CFAP46: variants seen among roughly 807,000 people sequenced by gnomAD.
The protein encoded by CFAP46 is cilia- and flagella-associated protein 46.
In CFAP46, 245 loss-of-function variants were observed where a neutral mutation model predicts 325.7. The ratio of observed to expected loss-of-function variants is 0.75; its 90% confidence interval spans 0.68 to 0.84. The LOEUF is 0.84. Among genes scored for constraint, CFAP46 ranks in the 40% least tolerant of loss-of-function variants. The pLI is 0.00. For missense variants in CFAP46, 3,346 were observed against 3,543.0 expected (o/e 0.94, Z 1.41); for synonymous variants, 1,523 against 1,495.9 (o/e 1.02, Z -0.42).
Position 132,850,419 on chromosome 10 carries a change from A to C in CFAP46, c.5777T>G (p.Leu1926Arg). 6.4e-7 allele frequency: 1 copy of C among 1,567,790 alleles called. No homozygotes were observed. The highest frequency in any genetic ancestry group is 2.3e-5 in the East Asian group (1 of 42,882). The change falls in exon 41 of 58, where the codon CTG becomes CGG. Residue 1926 changes from leucine to arginine, a missense_variant. Transcript: ENST00000368586. The part of the protein sequence containing the change: ...YTSVGLQWFT[L>R]KRTLAHGALA... The stretch of plus-strand genomic sequence containing the variant: ...TGCCCCGTGTGCTAGAGTCCGCTTC[A>C]GCGTGAACCATTGCTTCGAAAAGAC...
rs1189734428 is a variant in CFAP46, at chr10:132,912,523, CTT to C, written c.2499+130_2499+131del. 7.5e-6 allele frequency: 6 copies of C among 803,874 alleles called. 1 individual carries two copies. Among genetic ancestry groups the C allele is most frequent in the African/African-American group, 2.4e-5 (1 of 41,696 alleles). The allele number at this position is 803,874 out of a possible 1,614,324, so 49.8% of individuals were successfully genotyped here. The stretch of plus-strand genomic sequence containing the variant: ...CCTCTCTCTCCTCTCCTCTCTCTCT[CTT>C]CACCTCTCTCCTCTCCTCTCTCTCT... On this transcript the variant is annotated intron_variant, in intron 19 of 57. Transcript: ENST00000368586.
rs1458814179 is a variant in CFAP46, at chr10:132,817,459, AACTTCTACC to A, written c.7118-2554_7118-2546del. On this transcript the variant is annotated intron_variant, in intron 50 of 57. Coordinates refer to ENST00000368586, the MANE Select transcript of CFAP46 (RefSeq NM_001200049.3). This position sits in a 1 kb window ranked among gnomAD's most constrained non-coding sequence, Gnocchi z 4.4. ...TTTTGATATATGACATAAATGGGCC[AACTTCTACC>A]ATCTTACTACTTTATTTTTATTTGT... 6.6e-6 allele frequency among the ~76,000 whole-genome samples: 1 copy of A among 152,176 alleles called. No individual in the cohort carries two copies. The highest frequency in any genetic ancestry group is 1.5e-5 in the Non-Finnish European group (1 of 68,042).
chr10:132,884,814 C>T lies in CFAP46; in HGVS notation c.3627+289G>A, dbSNP rs571695345. 6.6e-6 allele frequency among the ~76,000 whole-genome samples: 1 copy of T among 152,258 alleles called. No individual in the cohort carries two copies. Among genetic ancestry groups the T allele is most frequent in the Non-Finnish European group, 1.5e-5 (1 of 67,996 alleles). ...TGCCACCAGGGGAGCCTGGGCGCTT[C>T]CACTTGGGGCATCACCCTCTGGGCC... On this transcript the variant is annotated intron_variant, in intron 27 of 57. Coordinates refer to ENST00000368586, the MANE Select transcript of CFAP46 (RefSeq NM_001200049.3). The surrounding 1 kb of genome is among the most constrained non-coding windows in gnomAD (Gnocchi z 5.4).
At chr10:132,854,828 G>A (rs1198082677) in intron 39 of CFAP46, among the ~76,000 whole-genome samples, 1 of 151,990 alleles carries the variant, frequency 6.6e-6, no homozygotes, top group Non-Finnish European at 1.5e-5. Flanking sequence ...TCCTTGCCCT[G>A]TTTCTATGGA....
chr10:132,821,280 G>A (rs1171158489), intron 50 of CFAP46, among the ~76,000 whole-genome samples: 2 of 137,548 alleles, frequency 1.5e-5, no homozygotes, highest in African/African-American at 2.9e-5. Flanking sequence ...TGCTGTGTGA[G>A]TGCTGATGTG....
At chr10:132,810,290 G>T in intron 57 of CFAP46, 119 bp downstream of exon 57, 2 of 849,904 alleles carry the variant, frequency 2.4e-6, no homozygotes, top group Non-Finnish European at 2.0e-6. Context: ...TGGAGTCCCA[G>T]GTCCCCCACG....
Position 132,847,371 on chromosome 10 carries a change from C to G in CFAP46, c.5953-50G>C. 6.2e-7 allele frequency: 1 copy of G among 1,603,272 alleles called. No individual in the cohort carries two copies. Among genetic ancestry groups the G allele is most frequent in the Middle Eastern group, 1.7e-4 (1 of 6,014 alleles). On this transcript the variant is annotated intron_variant, in intron 41 of 57. Transcript: ENST00000368586. This position sits in a 1 kb window ranked among gnomAD's most constrained non-coding sequence, Gnocchi z 5.2. The stretch of plus-strand genomic sequence containing the variant: ...AGACACTTCTGGGTTCCTGCTTGGT[C>G]GGCGTGGGGAGGGCCCACCCAGGGA...
Position 132,808,542 on chromosome 10 carries a change from C to G in CFAP46, c.8027G>C (p.Arg2676Pro). 2 of 1,612,984 alleles carry G rather than the reference C, an allele frequency of 1.2e-6. No individual in the cohort carries two copies. Among genetic ancestry groups the G allele is most frequent in the Non-Finnish European group, 1.7e-6 (2 of 1,179,974 alleles). Residue 2676 changes from arginine (R) to proline (P), a missense_variant, in exon 58 of 58, where the codon CGT becomes CCT. Physicochemically the swap from Arg to Pro is moderately radical, Grantham distance 103 (BLOSUM62 -2). Coordinates refer to ENST00000368586, the MANE Select transcript of CFAP46 (RefSeq NM_001200049.3). This position sits in a 1 kb window ranked among gnomAD's most constrained non-coding sequence, Gnocchi z 6.8. ...GGAAGAGACGCAGCTCCAGCCCCGA[C>G]GCAGACCCCATGGCGCACACAGGCA... Reference protein sequence around the residue: ...SACLCAPWGLRRGWSCVSSRG... With the variant: ...SACLCAPWGLPRGWSCVSSRG...
chr10:132,887,228 CTCCTCTCCCCTCTTCTCTCTCCT>C (rs1849152669), intron 25 of CFAP46, among the ~76,000 whole-genome samples: 1 of 99,630 alleles, frequency 1.0e-5, no homozygotes, highest in African/African-American at 6.2e-5. Flanking sequence ...TCTTCTCTCT[CTCCTCTCCCCTCTTCTCTCTCCT>C]CTCTCGCTTC....
rs1259177876 is a variant in CFAP46 at position 132,912,135 on chromosome 10, C to CT, written c.2499+519_2499+520insA. Among the ~76,000 whole-genome samples, 34 of 114,818 alleles carry CT rather than the reference C, an allele frequency of 3.0e-4. 1 individual carries two copies. The highest frequency in any genetic ancestry group is 3.7e-4 in the Non-Finnish European group (20 of 54,650). 75.3% of individuals were successfully genotyped at this position (114,818 alleles called of 152,430 possible). A position where few individuals can be genotyped will look rare whatever the true frequency, so the allele number is the denominator to read the frequency against. ...CTCCCTCCACCCCCACCCCCCCACC[C>CT]CCACATCTCTCTCTCTCTCCTCTCT... is the stretch of plus-strand genomic sequence containing the variant. On this transcript the variant is annotated intron_variant, in intron 19 of 57. Coordinates refer to ENST00000368586, the MANE Select transcript of CFAP46 (RefSeq NM_001200049.3).
At chr10:132,913,586 C>T (rs116478963) in intron 17 of CFAP46, among the ~76,000 whole-genome samples, 743 of 152,324 alleles carry the variant, frequency 4.9e-3, no homozygotes, top group Non-Finnish European at 7.2e-3. Flanking sequence ...TTTCATCCCG[C>T]GACCAGCCTC....
intron 46 of CFAP46, among the ~76,000 whole-genome samples, chr10:132,835,651 G>T (rs879488312): frequency 6.6e-6 from 1 of 152,066 alleles, no homozygotes; most frequent in Non-Finnish European, 1.5e-5. Context: ...CCCCAGGGAA[G>T]CACACGCCCC....
intron 27 of CFAP46, among the ~76,000 whole-genome samples, chr10:132,883,348 C>T (rs1849074896): frequency 6.6e-6 from 1 of 152,242 alleles, no homozygotes; most frequent in East Asian, 1.9e-4. Flanking sequence ...CAACAACCTA[C>T]AAATGGCCCA....
chr10:132,808,875 GC>G lies in CFAP46; in HGVS notation c.7693del (p.Ala2565LeufsTer28). 6.3e-7 allele frequency: 1 copy of G among 1,597,938 alleles called. No individual in the cohort carries two copies. Among genetic ancestry groups the G allele is most frequent in the African/African-American group, 1.3e-5 (1 of 74,778 alleles). ...AGCTCGGAGCTTTGGAGCAGCAGCAGCTTGTCCTTCAAGGTCTGAGAAGCCT... is the reference window on the plus strand; with the variant it reads ...AGCTCGGAGCTTTGGAGCAGCAGCAGTTGTCCTTCAAGGTCTGAGAAGCCT... ...RRGFSDLEGQ[A>X]AAAPKLRAPS... On this transcript the variant is annotated frameshift_variant, in exon 58 of 58. Coordinates refer to ENST00000368586, the MANE Select transcript of CFAP46 (RefSeq NM_001200049.3). LOFTEE classifies it low-confidence loss of function (END_TRUNC). The surrounding 1 kb of genome is among the most constrained non-coding windows in gnomAD (Gnocchi z 6.8).
intron 22 of CFAP46, among the ~76,000 whole-genome samples, chr10:132,901,198 G>A (rs531281300): frequency 1.3e-5 from 2 of 152,244 alleles, no homozygotes; most frequent in East Asian, 3.9e-4. Context: ...TCTCCTGTAC[G>A]TACTTTATCA....
At chr10:132,913,324 G>T (rs1591087576) in intron 17 of CFAP46, 66 bp from the exon 18 acceptor site, 1 of 1,331,270 alleles carries the variant, frequency 7.5e-7, no homozygotes, top group East Asian at 2.5e-5. Context: ...GCACCAGGAA[G>T]GCTGCGGGGC....
chr10:132,913,011 C>T (rs1206126767), intron 18 of CFAP46, 35 bp downstream of exon 18: 1 of 1,542,892 alleles, frequency 6.5e-7, no homozygotes, highest in African/African-American at 1.4e-5. Flanking sequence ...GGAAGAAGCC[C>T]CTCCCTGCGT....
chr10:132,914,871 G>A lies in CFAP46; in HGVS notation c.2121-1613C>T, dbSNP rs537522105. Among the ~76,000 whole-genome samples the A allele has an allele frequency of 5.9e-5, 9 of 152,174 alleles. 1 individual carries two copies. The South Asian group carries it at 1.0e-3, about 18-fold the overall frequency. On this transcript the variant is annotated intron_variant, in intron 17 of 57. Coordinates refer to ENST00000368586, the MANE Select transcript of CFAP46 (RefSeq NM_001200049.3). The stretch of plus-strand genomic sequence containing the variant: ...CAGCTCCCTTGAGCCTCCTGGCTTC[G>A]CTCCACACTGTGAAGCGCCGCCCTC...
intron 31 of CFAP46, among the ~76,000 whole-genome samples, chr10:132,873,172 T>C (rs938673415): frequency 6.6e-5 from 10 of 152,264 alleles, no homozygotes; most frequent in African/African-American, 2.2e-4. Context: ...AGAATTTCTT[T>C]GTGTGCACAC....
Sources: allele counts gnomAD v4.1 joint callset (sites outside exome capture counted in the v4.1 genomes callset), GRCh38; gene constraint gnomAD v4.1.1; non-coding constraint Gnocchi (gnomAD v3.1); transcripts MANE v1.5; gene names NCBI Gene and HGNC (gene_info 2026-07-23, HGNC 2026-07-21).